DDX55: variants seen among roughly 807,000 people sequenced by gnomAD.
DDX55 encodes the protein ATP-dependent RNA helicase DDX55.
In DDX55, 56 loss-of-function variants were observed where a neutral mutation model predicts 69.2. The observed-to-expected ratio is 0.81, with a 90% CI of 0.65 to 1.01. The LOEUF (loss-of-function observed/expected upper bound fraction) is 1.01. Ranked by LOEUF, DDX55 falls within the 50% of genes least tolerant of loss-of-function variation. DDX55 has a pLI of 0.00. For synonymous variants in DDX55, 268 were observed against 273.1 expected, an observed-to-expected ratio of 0.98 and a Z score of 0.18; for missense variants, 720 against 745.1, an observed-to-expected ratio of 0.97 and a Z score of 0.39.
At chr12:123,604,025 A>G (rs996075213) in intron 1 of DDX55, among the ~76,000 whole-genome samples, 1 of 148,328 alleles carries the variant, frequency 6.7e-6, no homozygotes, top group African/African-American at 2.5e-5. Flanking sequence ...CTGGTCTTGA[A>G]CTCCTGACCT....
chr12:123,611,464 G>A (rs1017365044), intron 7 of DDX55, among the ~76,000 whole-genome samples: 2 of 152,184 alleles, frequency 1.3e-5, no homozygotes, highest in Non-Finnish European at 2.9e-5. Context: ...GCCCGGGGCT[G>A]GGGCTTTTCT....
intron 5 of DDX55, 68 bp from the exon 6 acceptor site, chr12:123,608,612 T>A (rs1954026974): frequency 6.3e-7 from 1 of 1,575,194 alleles, no homozygotes; most frequent in African/African-American, 1.4e-5. Flanking sequence ...AAACTTGGTA[T>A]TTTGGTAATC....
chr12:123,602,407 G>C (rs1953620511), intron 1 of DDX55, 151 bp downstream of exon 1: 1 of 794,530 alleles, frequency 1.3e-6, no homozygotes, highest in Non-Finnish European at 1.9e-6. Flanking sequence ...GCCCAGACTG[G>C]CGGAATGCGG....
chr12:123,607,747 G>A (rs1208060134), intron 5 of DDX55, 85 bp downstream of exon 5: 21 of 1,594,304 alleles, frequency 1.3e-5, no homozygotes, highest in Non-Finnish European at 1.7e-5. Context: ...CCTAACTGTG[G>A]GTCCCCCTTT....
intron 5 of DDX55, 165 bp downstream of exon 5, chr12:123,607,827 T>C: frequency 1.1e-6 from 1 of 872,494 alleles, no homozygotes; most frequent in Non-Finnish European, 1.8e-6. Flanking sequence ...TGCTGGCTCC[T>C]TCCCATAAGG....
chr12:123,607,630 T>G lies in DDX55; in HGVS notation c.369T>G (p.Pro123=), dbSNP rs774667124. Residue 123 remains proline, a synonymous_variant, in exon 5 of 14, where the codon CCT becomes CCG. Coordinates refer to ENST00000238146, the MANE Select transcript of DDX55 (RefSeq NM_020936.3). ...TTCTTTGGATCGGAGGCAGGAATCC[T>G]GGAGAAGATGTTGAGAGGTTTAAGC... is the stretch of plus-strand genomic sequence containing the variant. ...SQILWIGGRN[P]GEDVERFKQQ... 4.3e-6 allele frequency: 7 copies of G among 1,614,072 alleles called. No homozygotes were observed. Among genetic ancestry groups the G allele is most frequent in the Non-Finnish European group, 5.9e-6 (7 of 1,180,048 alleles).
Position 123,608,800 on chromosome 12 carries a change from C to T in DDX55, c.522C>T (p.Asp174=), listed in dbSNP as rs748427120. 8.1e-5 allele frequency: 131 copies of T among 1,614,048 alleles called. No homozygotes were observed. The highest frequency in any genetic ancestry group is 1.6e-4 in the Middle Eastern group (1 of 6,080). ...ATGTCCTGGTGTTGGATGAGGCAGA[C>T]AGACTTCTGGACATGGGGTTTGAGG... is the stretch of plus-strand genomic sequence containing the variant. ...SLDVLVLDEA[D]RLLDMGFEAS... Residue 174 remains aspartate, a synonymous_variant, in exon 6 of 14, where the codon GAC becomes GAT. Transcript: ENST00000238146.
intron 11 of DDX55, chr12:123,618,074 T>C: frequency 2.0e-6 from 1 of 507,058 alleles, no homozygotes; most frequent in Non-Finnish European, 3.5e-6. Context: ...TGGAGTGCAA[T>C]GGCACTATCT....
intron 7 of DDX55, among the ~76,000 whole-genome samples, chr12:123,611,143 C>T (rs964397940): frequency 5.9e-5 from 9 of 152,276 alleles, no homozygotes; most frequent in Non-Finnish European, 1.0e-4. Flanking sequence ...TCATGATCCT[C>T]CTGCCTCAGC....
At position 123,615,283 on chromosome 12, in the gene DDX55, A is replaced by G. The variant is rs1405245387; in HGVS notation, c.923A>G (p.Asn308Ser). The part of the protein sequence containing the change: ...CIHGKMKYKR[N>S]KIFMEFRKLQ... Reference sequence around the variant, plus strand: ...CACGGAAAGATGAAATATAAACGCAATAAGATCTTCATGGAGTTCCGCAAA... The same window carrying G: ...CACGGAAAGATGAAATATAAACGCAGTAAGATCTTCATGGAGTTCCGCAAA... The change falls in exon 9 of 14, where the codon AAT (asparagine) becomes AGT (serine). Residue 308 changes from asparagine (N) to serine (S), a missense_variant. Coordinates refer to ENST00000238146, the MANE Select transcript of DDX55 (RefSeq NM_020936.3). The G allele has an allele frequency of 4.3e-6, 7 of 1,614,070 alleles. No individual in the cohort carries two copies. In the African/African-American group the frequency reaches 5.3e-5, roughly 12 times the overall value.
chr12:123,618,843 T>C lies in DDX55; in HGVS notation c.1333+6T>C, dbSNP rs1205394085. 1.2e-6 allele frequency: 2 copies of C among 1,613,494 alleles called. No individual in the cohort carries two copies. Among genetic ancestry groups the C allele is most frequent in the African/African-American group, 2.7e-5 (2 of 75,048 alleles). On this transcript the variant is annotated splice_donor_region_variant and intron_variant, in intron 12 of 13. Transcript: ENST00000238146. ...CCTGATTTTCAGATTAAAGGGTAAG[T>C]TGGACTTCTTCATGTGATAATGTCT...
At chr12:123,610,524 C>T (rs566346327) in intron 7 of DDX55, among the ~76,000 whole-genome samples, 41 of 151,814 alleles carry the variant, frequency 2.7e-4, no homozygotes, top group Non-Finnish European at 3.1e-4. Context: ...CAGACTCACT[C>T]CTAAGGAGAC....
intron 5 of DDX55, 60 bp downstream of exon 5, chr12:123,607,722 G>T: frequency 1.2e-6 from 2 of 1,611,146 alleles, no homozygotes; most frequent in Non-Finnish European, 1.7e-6. Context: ...CCTAAGAATC[G>T]ATGTGTGATC....
rs1180308833 is a variant in DDX55, at chr12:123,613,208, T to C, written c.780T>C (p.His260=). ...ATGAGAAATTTAATCAGCTGGTCCA[T>C]TTTCTTCGCAATCATAAGCAGGAGA... The part of the protein sequence containing the change: ...KADEKFNQLV[H]FLRNHKQEKH... The change falls in exon 8 of 14, where the codon CAT becomes CAC. Residue 260 remains histidine (H), a synonymous_variant. Coordinates refer to ENST00000238146, the MANE Select transcript of DDX55 (RefSeq NM_020936.3). 3 of 1,614,080 alleles carry C rather than the reference T, an allele frequency of 1.9e-6. No individual in the cohort carries two copies. The highest frequency in any genetic ancestry group is 2.2e-5 in the East Asian group (1 of 44,898).
rs1202361161 is a variant in DDX55 at position 123,602,167 on chromosome 12, G to T, written c.19G>T (p.Gly7Cys). 1.9e-6 allele frequency: 3 copies of T among 1,560,350 alleles called. No individual in the cohort carries two copies. The highest frequency in any genetic ancestry group is 8.7e-7 in the Non-Finnish European group (1 of 1,154,372). The change falls in exon 1 of 14, where the codon GGC (glycine) becomes TGC (cysteine). Residue 7 changes from glycine (G) to cysteine (C), a missense_variant. Transcript: ENST00000238146. ...GCGCGCCATGGAGCATGTGACAGAG[G>T]GCTCCTGGGAGTCGCTGCCTGTGCC... is the stretch of plus-strand genomic sequence containing the variant. MEHVTE[G>C]SWESLPVPLH...
rs748310118 is a variant in DDX55 at position 123,617,861 on chromosome 12, A to G, written c.1153A>G (p.Ile385Val). The change falls in exon 11 of 14, where the codon ATT becomes GTT. Residue 385 changes from isoleucine to valine, a missense_variant. Coordinates refer to ENST00000238146, the MANE Select transcript of DDX55 (RefSeq NM_020936.3). ...AGAGTCATACATCAATTTCCTTGCA[A>G]TTAACCAAAAAGTAAGCTGCCGTCC... is the stretch of plus-strand genomic sequence containing the variant. ...MEESYINFLA[I>V]NQKCPLQEMK... 3.1e-6 allele frequency: 5 copies of G among 1,613,990 alleles called. No homozygotes were observed. The highest frequency in any genetic ancestry group is 1.1e-5 in the South Asian group (1 of 91,088).
At chr12:123,611,890 C>A (rs1394158590) in intron 7 of DDX55, among the ~76,000 whole-genome samples, 2 of 152,194 alleles carry the variant, frequency 1.3e-5, no homozygotes, top group Non-Finnish European at 2.9e-5. Flanking sequence ...CATATCTTGG[C>A]TTTGGCCCCT....
intron 7 of DDX55, among the ~76,000 whole-genome samples, chr12:123,611,380 A>AGGGGAGGCAGCACCATCAGGGC (rs1954229266): frequency 6.6e-6 from 1 of 152,226 alleles, no homozygotes; most frequent in Non-Finnish European, 1.5e-5. Flanking sequence ...CACAGGCTGC[A>AGGGGAGGCAGCACCATCAGGGC]GGGGAGGCAG....
chr12:123,607,773 C>G, intron 5 of DDX55, 111 bp downstream of exon 5: 1 of 1,488,212 alleles, frequency 6.7e-7, no homozygotes, highest in Non-Finnish European at 9.3e-7. Context: ...GCCTCCTCCC[C>G]CTGCAAAAAG....
Sources: allele counts gnomAD v4.1 joint callset (sites outside exome capture counted in the v4.1 genomes callset), GRCh38; gene constraint gnomAD v4.1.1; transcripts MANE v1.5; gene names NCBI Gene and HGNC (gene_info 2026-07-23, HGNC 2026-07-21).